The following SGCZ variants were observed in gnomAD, a reference collection of about 807,000 sequenced individuals.
The protein encoded by SGCZ is zeta-sarcoglycan.
Under a neutral mutation model 41.3 loss-of-function variants are expected in SGCZ, and 40 were observed. That is an observed-to-expected ratio of 0.97 (90% confidence interval 0.75 to 1.26). The LOEUF is 1.26. Ranked by LOEUF, SGCZ falls within the 50% of genes most tolerant of loss-of-function variation. The pLI is 0.00. For missense variants in SGCZ, 552 were observed against 369.8 expected (o/e 1.49, Z -4.04); for synonymous variants, 206 against 137.5 (o/e 1.50, Z -3.49).
rs547214849 is a variant in SGCZ, at chr8:14,748,601, C to T, written c.40-193675G>A. Among the ~76,000 whole-genome samples the T allele has an allele frequency of 4.6e-5, 7 of 152,068 alleles. No homozygotes were observed. In the South Asian group the frequency reaches 1.2e-3, roughly 27 times the overall value. Reference sequence around the variant, plus strand: ...GTTTCTCTGCCAGAAAAATATATAACGGAGCTTTACAAAACAGATTTTTGG... The same window carrying T: ...GTTTCTCTGCCAGAAAAATATATAATGGAGCTTTACAAAACAGATTTTTGG... On this transcript the variant is annotated intron_variant, in intron 1 of 7. Transcript: ENST00000382080.
chr8:14,452,740 A>G (rs1800630715), intron 2 of SGCZ, among the ~76,000 whole-genome samples: 1 of 152,112 alleles, frequency 6.6e-6, no homozygotes, highest in Non-Finnish European at 1.5e-5. Flanking sequence ...ATTTGCTTTC[A>G]ATCAAAATAT....
rs184173988 is a variant in SGCZ, at chr8:14,409,186, G to T, written c.235-84982C>A. Reference sequence around the variant, plus strand: ...AGTCACTCATTTATATAACCAACACGTTATTTATTAAGCATTTACTTATAC... The same window carrying T: ...AGTCACTCATTTATATAACCAACACTTTATTTATTAAGCATTTACTTATAC... On this transcript the variant is annotated intron_variant, in intron 2 of 7. Coordinates refer to ENST00000382080, the MANE Select transcript of SGCZ (RefSeq NM_139167.4). 9.2e-5 allele frequency among the ~76,000 whole-genome samples: 14 copies of T among 152,048 alleles called. No individual in the cohort carries two copies. In the South Asian group the frequency reaches 1.2e-3, roughly 14 times the overall value.
At chr8:15,102,734 G>C (rs995199675) in intron 1 of SGCZ, among the ~76,000 whole-genome samples, 1 of 152,012 alleles carries the variant, frequency 6.6e-6, no homozygotes, top group Non-Finnish European at 1.5e-5. Flanking sequence ...TTGGTAAAAG[G>C]CACCAATTTG....
At chr8:14,872,505 T>A (rs935761714) in intron 1 of SGCZ, among the ~76,000 whole-genome samples, 3 of 152,096 alleles carry the variant, frequency 2.0e-5, no homozygotes, top group Admixed American at 2.0e-4. Context: ...GGTAATAGAA[T>A]CAGCATCTTT....
intron 7 of SGCZ, among the ~76,000 whole-genome samples, chr8:14,095,286 G>C (rs7013460): frequency 0.1 from 15,646 of 152,150 alleles, 809 homozygotes; most frequent in African/African-American, 0.14. Context: ...AATCCATCTT[G>C]AGTTAGTTTT....
intron 1 of SGCZ, among the ~76,000 whole-genome samples, chr8:14,679,988 G>A (rs371814327): frequency 6.6e-5 from 10 of 152,026 alleles, no homozygotes; most frequent in Admixed American, 3.9e-4. Flanking sequence ...TGTAACTCAG[G>A]CTACACCATG....
At chr8:15,234,878 C>T (rs1802073495) in intron 1 of SGCZ, among the ~76,000 whole-genome samples, 1 of 152,000 alleles carries the variant, frequency 6.6e-6, no homozygotes, top group South Asian at 2.1e-4. Context: ...CTAACAATGA[C>T]ACTGATCATC....
chr8:14,957,704 C>T (rs991390172), intron 1 of SGCZ, among the ~76,000 whole-genome samples: 1 of 151,818 alleles, frequency 6.6e-6, no homozygotes, highest in Non-Finnish European at 1.5e-5. Context: ...ATTTTTACGG[C>T]AAATTTTATA....
At chr8:14,499,116 T>G (rs1394554334) in intron 2 of SGCZ, among the ~76,000 whole-genome samples, 1 of 152,032 alleles carries the variant, frequency 6.6e-6, no homozygotes. Context: ...TTCTGTTATT[T>G]GCTTATATTG....
At chr8:14,090,875 C>T (rs1216035137) in intron 7 of SGCZ, among the ~76,000 whole-genome samples, 2 of 151,960 alleles carry the variant, frequency 1.3e-5, no homozygotes, top group Admixed American at 1.3e-4. Flanking sequence ...ATCTGAAAAG[C>T]AACATCATAC....
chr8:14,094,503 T>C (rs1027798090), intron 7 of SGCZ, among the ~76,000 whole-genome samples: 3 of 152,188 alleles, frequency 2.0e-5, no homozygotes, highest in Non-Finnish European at 2.9e-5. Flanking sequence ...CCGTGGTGTA[T>C]ATGTGCCATA....
chr8:14,959,289 A>G (rs371081433), intron 1 of SGCZ, among the ~76,000 whole-genome samples: 3 of 152,138 alleles, frequency 2.0e-5, no homozygotes, highest in Non-Finnish European at 4.4e-5. Context: ...GTTAGAATAC[A>G]TATTCATGAT....
intron 2 of SGCZ, among the ~76,000 whole-genome samples, chr8:14,352,376 C>T (rs1033924184): frequency 1.3e-5 from 2 of 151,750 alleles, no homozygotes; most frequent in East Asian, 3.9e-4. Flanking sequence ...AGGGCAAGAG[C>T]ACACAAGAAA....
At chr8:14,329,801 G>A (rs145750872) in intron 2 of SGCZ, among the ~76,000 whole-genome samples, 1 of 151,874 alleles carries the variant, frequency 6.6e-6, no homozygotes, top group Non-Finnish European at 1.5e-5. Context: ...AATCCTGTTT[G>A]TTTTTAGCTG....
Position 14,146,352 on chromosome 8 carries a change from A to T in SGCZ, c.547+18228T>A, listed in dbSNP as rs368245515. On this transcript the variant is annotated intron_variant, in intron 5 of 7. Coordinates refer to ENST00000382080, the MANE Select transcript of SGCZ (RefSeq NM_139167.4). ...GCATATTTAGCAGAAATATCTTTTG[A>T]ATATGAAGAAGAAATAAAAACTTCC... Among the ~76,000 whole-genome samples, 3 of 152,328 alleles carry T rather than the reference A, an allele frequency of 2.0e-5. No homozygotes were observed. The South Asian group carries it at 6.2e-4, about 32-fold the overall frequency.
At chr8:14,643,969 GTA>G (rs1807116984) in intron 1 of SGCZ, among the ~76,000 whole-genome samples, 1 of 99,940 alleles carries the variant, frequency 1.0e-5, no homozygotes, top group Admixed American at 1.1e-4. Context: ...ACCAATACTT[GTA>G]CAATTCTGTA....
intron 1 of SGCZ, among the ~76,000 whole-genome samples, chr8:14,705,276 T>C (rs1195110747): frequency 6.6e-6 from 1 of 151,988 alleles, no homozygotes; most frequent in Non-Finnish European, 1.5e-5. Flanking sequence ...AGTATAGGCA[T>C]AAAGGGTTTT....
intron 1 of SGCZ, among the ~76,000 whole-genome samples, chr8:14,590,007 C>G (rs904665268): frequency 6.6e-6 from 1 of 152,120 alleles, no homozygotes; most frequent in Non-Finnish European, 1.5e-5. Context: ...AGTGATTCAA[C>G]TGACCTGGCT....
intron 1 of SGCZ, among the ~76,000 whole-genome samples, chr8:15,226,069 A>C (rs2117196008): frequency 6.6e-6 from 1 of 152,340 alleles, no homozygotes; most frequent in South Asian, 2.1e-4. Context: ...AATTACAAAG[A>C]CGTCTAAGCA....
Sources: gnomAD v4.1 joint callset for allele counts (sites outside exome capture counted in the v4.1 genomes callset) on GRCh38, gnomAD v4.1.1 for gene constraint, MANE v1.5 for transcripts, NCBI Gene and HGNC (gene_info 2026-07-23, HGNC 2026-07-21) for gene names.